PDZRN3: variants seen among roughly 807,000 people sequenced by gnomAD.
The protein encoded by PDZRN3 is PDZ domain containing ring finger 3.
PDZRN3 carries 38 observed loss-of-function variants against 85.7 expected under a neutral mutation model. That is an observed-to-expected ratio of 0.44 (90% CI 0.34 to 0.58). PDZRN3 has a LOEUF of 0.58. PDZRN3 is among the 20% of genes least tolerant of loss of function. The probability of loss-of-function intolerance (pLI) is 0.01; values close to 1 mark genes in which losing one functional copy is unlikely to be tolerated. For missense variants in PDZRN3, 1,629 were observed against 1,506.4 expected, an observed-to-expected ratio of 1.08 and a Z score of -1.35; for synonymous variants, 759 against 638.0, an observed-to-expected ratio of 1.19 and a Z score of -2.86.
At chr3:73,442,054 C>G (rs535888547) in intron 3 of PDZRN3, among the ~76,000 whole-genome samples, 14 of 152,268 alleles carry the variant, frequency 9.2e-5, no homozygotes, top group African/African-American at 2.9e-4. Flanking sequence ...AGGCTCCATT[C>G]TAAATGGCAT....
intron 3 of PDZRN3, among the ~76,000 whole-genome samples, chr3:73,481,943 T>G (rs1703570268): frequency 6.6e-6 from 1 of 152,070 alleles, no homozygotes; most frequent in Non-Finnish European, 1.5e-5. Flanking sequence ...GTGGTAGCAT[T>G]AAGGACTAAA....
At chr3:73,557,378 C>T (rs761969328) in intron 3 of PDZRN3, among the ~76,000 whole-genome samples, 2 of 152,216 alleles carry the variant, frequency 1.3e-5, no homozygotes, top group Admixed American at 6.5e-5. Context: ...GAAATATCTT[C>T]GCTCGGAACC....
intron 3 of PDZRN3, among the ~76,000 whole-genome samples, chr3:73,422,488 T>C (rs996880521): frequency 2.0e-5 from 3 of 152,222 alleles, no homozygotes; most frequent in African/African-American, 7.2e-5. Context: ...TCTTTGTTCT[T>C]ATGAGGACAG....
chr3:73,479,887 G>A (rs1271866762), intron 3 of PDZRN3, among the ~76,000 whole-genome samples: 2 of 152,122 alleles, frequency 1.3e-5, no homozygotes, highest in Non-Finnish European at 2.9e-5. Context: ...CGGGGGGCGG[G>A]GGTAGATGAT....
At chr3:73,588,771 G>T (rs1379949779) in intron 3 of PDZRN3, among the ~76,000 whole-genome samples, 1 of 152,204 alleles carries the variant, frequency 6.6e-6, no homozygotes, top group African/African-American at 2.4e-5. Flanking sequence ...TTAAAAGAAT[G>T]TTGCTTTAAG....
intron 3 of PDZRN3, among the ~76,000 whole-genome samples, chr3:73,422,328 C>CTACTT (rs919086144): frequency 1.3e-4 from 20 of 152,314 alleles, no homozygotes; most frequent in African/African-American, 4.6e-4. Context: ...GCTTTGTCAA[C>CTACTT]TACTTTAACC....
intron 8 of PDZRN3, among the ~76,000 whole-genome samples, chr3:73,386,225 A>ATTTTTTTTTTT (rs1576018763): frequency 1.8e-4 from 7 of 38,642 alleles, no homozygotes; most frequent in Non-Finnish European, 2.7e-4. Flanking sequence ...GCAAGATATC[A>ATTTTTTTTTTT]CTTTTTTTTT....
At chr3:73,580,327 A>G (rs1258742231) in intron 3 of PDZRN3, among the ~76,000 whole-genome samples, 1 of 152,200 alleles carries the variant, frequency 6.6e-6, no homozygotes, top group South Asian at 2.1e-4. Context: ...AACTTTCCTC[A>G]GATCCTTATG....
intron 3 of PDZRN3, among the ~76,000 whole-genome samples, chr3:73,505,749 T>C (rs901881300): frequency 1.3e-5 from 2 of 152,144 alleles, no homozygotes; most frequent in Non-Finnish European, 2.9e-5. Context: ...TATAGGTGAT[T>C]TGATATGTCC....
At chr3:73,444,483 C>A (rs1481531802) in intron 3 of PDZRN3, among the ~76,000 whole-genome samples, 3 of 152,168 alleles carry the variant, frequency 2.0e-5, no homozygotes, top group Admixed American at 1.3e-4. Context: ...AAAACCCCAC[C>A]GTGGTTTATG....
intron 3 of PDZRN3, among the ~76,000 whole-genome samples, chr3:73,552,898 C>T (rs1701596149): frequency 6.6e-6 from 1 of 152,212 alleles, no homozygotes; most frequent in Non-Finnish European, 1.5e-5. Context: ...CATCATGCAG[C>T]TTCAGCCTAC....
intron 3 of PDZRN3, among the ~76,000 whole-genome samples, chr3:73,443,498 T>TTGG (rs57581231): frequency 2.3e-5 from 3 of 129,094 alleles, no homozygotes; most frequent in African/African-American, 1.2e-4. Context: ...TTTTTTTTTT[T>TTGG]GGGGGGGGGA....
chr3:73,481,337 G>A (rs138663535), intron 3 of PDZRN3, among the ~76,000 whole-genome samples: 2 of 152,292 alleles, frequency 1.3e-5, no homozygotes, highest in East Asian at 1.9e-4. Flanking sequence ...AAATGTGTGA[G>A]GGCAGGATTC....
At chr3:73,387,932 T>C (rs1701432176) in intron 8 of PDZRN3, 36 bp downstream of exon 8, 1 of 992,060 alleles carries the variant, frequency 1.0e-6, no homozygotes, top group Non-Finnish European at 1.6e-6. Flanking sequence ...ATTTTAGAAA[T>C]ATAGACCCAG....
chr3:73,552,303 C>A (rs1219969521), intron 3 of PDZRN3, among the ~76,000 whole-genome samples: 1 of 150,656 alleles, frequency 6.6e-6, no homozygotes, highest in Non-Finnish European at 1.5e-5. Context: ...GCATTATATA[C>A]ATAATCACTA....
At chr3:73,474,655 C>A (rs1703414036) in intron 3 of PDZRN3, 2 of 1,149,318 alleles carry the variant, frequency 1.7e-6, no homozygotes, top group Admixed American at 3.4e-5. Flanking sequence ...AGGGTGTACA[C>A]TTTTAAGATC....
chr3:73,602,318 C>T (rs6797804), intron 3 of PDZRN3, 36 bp downstream of exon 3: 704,221 of 1,096,910 alleles, frequency 0.64, 228,174 homozygotes, highest in African/African-American at 0.83. Context: ...GGATGGCATT[C>T]AGCCTATTCA....
intron 1 of PDZRN3, among the ~76,000 whole-genome samples, chr3:73,609,988 C>T (rs1486345667): frequency 6.6e-6 from 1 of 152,182 alleles, no homozygotes; most frequent in Non-Finnish European, 1.5e-5. Flanking sequence ...TACGAAAGAT[C>T]AATGGGCTTC....
chr3:73,582,220 A>G (rs1702213324), intron 3 of PDZRN3, among the ~76,000 whole-genome samples: 1 of 152,220 alleles, frequency 6.6e-6, no homozygotes, highest in South Asian at 2.1e-4. Context: ...AGGGTATGGG[A>G]AGAAGAAAAG....
Sources: allele counts gnomAD v4.1 joint callset (sites outside exome capture counted in the v4.1 genomes callset), GRCh38; gene constraint gnomAD v4.1.1; transcripts MANE v1.5; gene names NCBI Gene and HGNC (gene_info 2026-07-23, HGNC 2026-07-21).